The following MSR1 variants were observed in gnomAD, a reference collection of about 807,000 sequenced individuals.
The protein encoded by MSR1 is macrophage scavenger receptor 1.
MSR1 carries 53 observed loss-of-function variants against 47.2 expected under a neutral mutation model. The ratio of observed to expected loss-of-function variants is 1.12; its 90% CI spans 0.90 to 1.41. The LOEUF (loss-of-function observed/expected upper bound fraction) is 1.41. MSR1 is among the 40% of genes most tolerant of loss of function. The pLI, the probability that MSR1 is intolerant of heterozygous loss-of-function variation, is 0.00. For synonymous variants in MSR1, 239 were observed against 185.6 expected, an observed-to-expected ratio of 1.29 and a Z score of -2.34; for missense variants, 786 against 546.9, an observed-to-expected ratio of 1.44 and a Z score of -4.36.
intron 9 of MSR1, 59 bp from the exon 10 acceptor site, chr8:16,110,277 T>C (rs1004993647): frequency 6.3e-7 from 1 of 1,580,566 alleles, no homozygotes. Flanking sequence ...TCTCTTTGAG[T>C]GGGGCAAAGC....
chr8:16,136,000 GT>G (rs1490403906), intron 8 of MSR1, among the ~76,000 whole-genome samples: 1 of 152,082 alleles, frequency 6.6e-6, no homozygotes, highest in Non-Finnish European at 1.5e-5. Flanking sequence ...CAAAGAAAGG[GT>G]TTTTTTGAGA....
chr8:16,117,599 C>T (rs185631669), intron 9 of MSR1, among the ~76,000 whole-genome samples: 64 of 152,198 alleles, frequency 4.2e-4, no homozygotes, highest in African/African-American at 1.4e-3. Context: ...ATTAAACTTT[C>T]GAAGCAGAAT....
chr8:16,125,173 A>T (rs1800101796), intron 8 of MSR1, among the ~76,000 whole-genome samples: 1 of 152,154 alleles, frequency 6.6e-6, no homozygotes, highest in Admixed American at 6.5e-5. Flanking sequence ...TCTTAGAGGC[A>T]GACTAATGTT....
intron 5 of MSR1, among the ~76,000 whole-genome samples, chr8:16,157,806 G>A (rs745976313): frequency 6.6e-6 from 1 of 151,898 alleles, no homozygotes. Context: ...TATTGCTAGA[G>A]ATTTTTAATC....
intron 8 of MSR1, chr8:16,139,541 G>T (rs1254287366): frequency 1.0e-5 from 10 of 983,880 alleles, no homozygotes; most frequent in Admixed American, 6.2e-5. Context: ...AAGAAGAGTT[G>T]TGAAAATGTA....
At chr8:16,189,486 A>AT (rs56404000) in intron 1 of MSR1, among the ~76,000 whole-genome samples, 1 of 92,446 alleles carries the variant, frequency 1.1e-5, no homozygotes, top group Non-Finnish European at 1.8e-5. Flanking sequence ...TTTTATATAT[A>AT]AAATCTTATT....
rs1799718602 is a variant in MSR1 at position 16,109,963 on chromosome 8, A to G, written c.*122T>C. ...GTTCAATATATTAATCCTGTAATCTAAAATATTATTTGGGCAATATTCTTA... is the reference window on the plus strand; with the variant it reads ...GTTCAATATATTAATCCTGTAATCTGAAATATTATTTGGGCAATATTCTTA... On this transcript the variant is annotated 3_prime_UTR_variant, in exon 10 of 10. Coordinates refer to ENST00000262101, the MANE Select transcript of MSR1 (RefSeq NM_138715.3). 7.6e-6 allele frequency: 9 copies of G among 1,187,982 alleles called. No individual in the cohort carries two copies. Among genetic ancestry groups the G allele is most frequent in the Non-Finnish European group, 1.1e-5 (9 of 822,244 alleles). The allele number at this position is 1,187,982 out of a possible 1,614,324, so 73.6% of individuals were successfully genotyped here.
At chr8:16,140,062 A>T (rs1415084683) in intron 8 of MSR1, 1 of 895,734 alleles carries the variant, frequency 1.1e-6, no homozygotes, top group Non-Finnish European at 1.3e-6. Flanking sequence ...CAGCTCATGG[A>T]GGTACATAAT....
At position 16,108,824 on chromosome 8, in the gene MSR1, G is replaced by GA. The variant is rs1208244828; in HGVS notation, c.*1260dup. On this transcript the variant is annotated 3_prime_UTR_variant, in exon 10 of 10. Coordinates refer to ENST00000262101, the MANE Select transcript of MSR1 (RefSeq NM_138715.3). ...TATGTGTGGTGAGACTTCAGAATAT[G>GA]AAAAAATGCTTAAGCTTATGCTTTC... 6.6e-6 allele frequency: 1 copy of GA among 152,030 alleles called. No homozygotes were observed. 9.4% of individuals were successfully genotyped at this position (152,030 alleles called of 1,614,324 possible). A position where few individuals can be genotyped will look rare whatever the true frequency, so the allele number is the denominator to read the frequency against.
chr8:16,179,852 G>A (rs968821714), intron 1 of MSR1, among the ~76,000 whole-genome samples: 6 of 144,798 alleles, frequency 4.1e-5, no homozygotes, highest in East Asian at 2.0e-4. Flanking sequence ...ACTCTAGCCC[G>A]GGCAAGAAGA....
intron 2 of MSR1, among the ~76,000 whole-genome samples, chr8:16,176,266 G>C (rs1177838377): frequency 6.6e-6 from 1 of 152,164 alleles, no homozygotes; most frequent in African/African-American, 2.4e-5. Context: ...CAGCACTTTG[G>C]GAGGCCAAGG....
intron 9 of MSR1, among the ~76,000 whole-genome samples, chr8:16,112,928 A>G (rs1799790616): frequency 7.2e-6 from 1 of 138,050 alleles, no homozygotes; most frequent in South Asian, 2.3e-4. Flanking sequence ...GATATTGATT[A>G]TATATTTTTT....
In MSR1 at chr8:16,167,869, C is replaced by A. The variant is rs150918323; in HGVS notation, c.630+589G>T. On this transcript the variant is annotated intron_variant, in intron 4 of 9. Transcript: ENST00000262101. The stretch of plus-strand genomic sequence containing the variant: ...AGCCCAAGGCTTTGATATCCCAATA[C>A]CCTTTGATATGCTTACTTATTAACA... Among the ~76,000 whole-genome samples, 115 of 152,168 alleles carry A rather than the reference C, an allele frequency of 7.6e-4. 1 individual carries two copies. The highest frequency in any genetic ancestry group is 1.2e-3 in the Admixed American group (18 of 15,274).
chr8:16,160,738 G>A (rs965634715), intron 5 of MSR1, among the ~76,000 whole-genome samples: 1 of 151,966 alleles, frequency 6.6e-6, no homozygotes, highest in African/African-American at 2.4e-5. Flanking sequence ...AAAATGTCTA[G>A]TGTTCATTAT....
At chr8:16,189,373 T>TCATATA (rs1416528903) in intron 1 of MSR1, among the ~76,000 whole-genome samples, 17 of 96,226 alleles carry the variant, frequency 1.8e-4, no homozygotes, top group African/African-American at 9.3e-4. Flanking sequence ...TATATATATT[T>TCATATA]TATATATATA....
rs950384048 is a variant in MSR1 at position 16,109,914 on chromosome 8, A to G, written c.*171T>C. 6.1e-5 allele frequency: 44 copies of G among 721,980 alleles called. No individual in the cohort carries two copies. In the South Asian group the frequency reaches 6.8e-4, roughly 11 times the overall value. 44.7% of individuals were successfully genotyped at this position (721,980 alleles called of 1,614,324 possible). On this transcript the variant is annotated 3_prime_UTR_variant, in exon 10 of 10. Coordinates refer to ENST00000262101, the MANE Select transcript of MSR1 (RefSeq NM_138715.3). The stretch of plus-strand genomic sequence containing the variant: ...AGAAGTTAAAATGATTTAAATATAG[A>G]CATAAAATAGTAAGCATGAAGGTGT...
chr8:16,140,133 T>C (rs1396663046), intron 8 of MSR1: 1 of 981,394 alleles, frequency 1.0e-6, no homozygotes, highest in Non-Finnish European at 1.2e-6. Context: ...TATCTCTGGT[T>C]GAGAATAATG....
intron 9 of MSR1, among the ~76,000 whole-genome samples, chr8:16,112,148 G>A (rs1799770624): frequency 6.6e-6 from 1 of 152,156 alleles, no homozygotes. Flanking sequence ...AGGACACATG[G>A]ATGTGACAAA....
chr8:16,123,133 C>T (rs559391588), intron 8 of MSR1, among the ~76,000 whole-genome samples: 18 of 152,222 alleles, frequency 1.2e-4, no homozygotes, highest in African/African-American at 2.6e-4. Flanking sequence ...GCATAAGCCA[C>T]GGCACCCGGC....
Sources: gnomAD v4.1 joint callset for allele counts (sites outside exome capture counted in the v4.1 genomes callset) on GRCh38, gnomAD v4.1.1 for gene constraint, MANE v1.5 for transcripts, NCBI Gene and HGNC (gene_info 2026-07-23, HGNC 2026-07-21) for gene names.